The following ENPEP variants were observed in gnomAD, a reference collection of about 807,000 sequenced individuals.
ENPEP encodes the protein glutamyl aminopeptidase.
Under a neutral mutation model 114.5 loss-of-function variants are expected in ENPEP, and 103 were observed. The ratio of observed to expected loss-of-function variants is 0.90; its 90% confidence interval spans 0.77 to 1.06. The LOEUF (loss-of-function observed/expected upper bound fraction) is 1.06. Among genes scored for constraint, ENPEP ranks in the 50% least tolerant of loss-of-function variants. ENPEP has a pLI of 0.00. For synonymous variants in ENPEP, 420 were observed against 422.0 expected (o/e 1.00, Z 0.06); for missense variants, 1,196 against 1,161.3 (o/e 1.03, Z -0.43).
chr4:110,494,021 CA>C (rs1724828610), intron 3 of ENPEP, among the ~76,000 whole-genome samples: 1 of 152,100 alleles, frequency 6.6e-6, no homozygotes. Flanking sequence ...AAAGTCATAA[CA>C]AAATTAAACA....
chr4:110,560,996 G>A (rs1374505946), intron 19 of ENPEP, among the ~76,000 whole-genome samples: 1 of 152,136 alleles, frequency 6.6e-6, no homozygotes, highest in Non-Finnish European at 1.5e-5. Context: ...TCCTTAATAA[G>A]TGAACTGAAA....
chr4:110,505,881 G>C (rs1384719652), intron 3 of ENPEP, among the ~76,000 whole-genome samples: 1 of 152,134 alleles, frequency 6.6e-6, no homozygotes, highest in East Asian at 1.9e-4. Context: ...ATGTTGAAGA[G>C]GATTCTTGAA....
chr4:110,548,069 T>C (rs1727133933), intron 13 of ENPEP, 107 bp from the exon 14 acceptor site: 1 of 1,200,048 alleles, frequency 8.3e-7, no homozygotes, highest in Non-Finnish European at 1.1e-6. Flanking sequence ...CTCATTAACA[T>C]GGAATGCTTT....
intron 1 of ENPEP, among the ~76,000 whole-genome samples, chr4:110,487,216 T>C (rs969644253): frequency 6.6e-6 from 1 of 152,226 alleles, no homozygotes; most frequent in Non-Finnish European, 1.5e-5. Context: ...TAATTTCTAA[T>C]CTTGTAGCTA....
intron 1 of ENPEP, 101 bp downstream of exon 1, chr4:110,477,159 C>T (rs1724145336): frequency 7.0e-7 from 1 of 1,433,290 alleles, no homozygotes; most frequent in Non-Finnish European, 9.3e-7. Context: ...TTTTGTTGGT[C>T]TGATATTGAT....
chr4:110,558,270 T>TTATATATATATATATATATATATATATA (rs5861011), intron 18 of ENPEP, among the ~76,000 whole-genome samples: 1 of 141,706 alleles, frequency 7.1e-6, no homozygotes, highest in African/African-American at 2.6e-5. Context: ...TTTATAAAAA[T>TTATATATATATATATATATATATATATA]TATATATATA....
chr4:110,495,918 C>T (rs765382330), intron 3 of ENPEP, among the ~76,000 whole-genome samples: 2 of 152,090 alleles, frequency 1.3e-5, no homozygotes, highest in Non-Finnish European at 2.9e-5. Flanking sequence ...CCTTGGCTTT[C>T]CTGAACAGAG....
intron 17 of ENPEP, among the ~76,000 whole-genome samples, 200 bp from the exon 18 acceptor site, chr4:110,553,115 C>G (rs1369657993): frequency 6.6e-6 from 1 of 151,934 alleles, no homozygotes; most frequent in South Asian, 2.1e-4. Context: ...TCTTTAAAAT[C>G]ATAGGTTGGT....
intron 1 of ENPEP, among the ~76,000 whole-genome samples, chr4:110,485,734 T>C (rs1275811433): frequency 6.6e-6 from 1 of 152,216 alleles, no homozygotes; most frequent in Non-Finnish European, 1.5e-5. Context: ...TTAATATTTT[T>C]GAAGAATACA....
chr4:110,512,393 A>G (rs750387908), intron 6 of ENPEP: 1 of 152,202 alleles, frequency 6.6e-6, no homozygotes, highest in Non-Finnish European at 1.5e-5. Context: ...CACTGAGAAC[A>G]GGATCTTTCT....
intron 10 of ENPEP, among the ~76,000 whole-genome samples, chr4:110,526,032 TTGGGAGGCCTAGGTGGG>T (rs1416227415): frequency 2.6e-5 from 4 of 152,080 alleles, no homozygotes; most frequent in African/African-American, 9.7e-5. Context: ...GCCCAGCACT[TTGGGAGGCCTAGGTGGG>T]TGGATCACTT....
intron 3 of ENPEP, among the ~76,000 whole-genome samples, chr4:110,501,837 G>T (rs866897087): frequency 6.6e-6 from 1 of 152,176 alleles, no homozygotes; most frequent in Non-Finnish European, 1.5e-5. Context: ...TGGTAATTCT[G>T]CTTTAGTTCT....
chr4:110,502,491 G>A (rs567053707), intron 3 of ENPEP, among the ~76,000 whole-genome samples: 2 of 152,188 alleles, frequency 1.3e-5, no homozygotes, highest in African/African-American at 2.4e-5. Flanking sequence ...TTCTGCATAC[G>A]GCTAGTCAGT....
At chr4:110,555,581 C>T (rs1727439980) in intron 18 of ENPEP, among the ~76,000 whole-genome samples, 1 of 151,986 alleles carries the variant, frequency 6.6e-6, no homozygotes, top group South Asian at 2.1e-4. Flanking sequence ...GCTTTTGTTT[C>T]TTCCAATAAA....
At chr4:110,559,484 T>A (rs1727607022) in intron 18 of ENPEP, among the ~76,000 whole-genome samples, 163 bp from the exon 19 acceptor site, 1 of 152,186 alleles carries the variant, frequency 6.6e-6, no homozygotes, top group South Asian at 2.1e-4. Flanking sequence ...AGAATTTATC[T>A]TGAATAGAAT....
At position 110,507,832 on chromosome 4, in the gene ENPEP, A is replaced by C. The variant is rs142100679; in HGVS notation, c.1039+1075A>C. Among the ~76,000 whole-genome samples, 53 of 152,246 alleles carry C rather than the reference A, an allele frequency of 3.5e-4. No individual in the cohort carries two copies. In the East Asian group the frequency reaches 9.7e-3, roughly 28 times the overall value. ...GCTACAAGAAATACAAAAATTAGCCAGGTGTTGTGGCACACACCTGTAGTC... is the reference window on the plus strand; with the variant it reads ...GCTACAAGAAATACAAAAATTAGCCCGGTGTTGTGGCACACACCTGTAGTC... On this transcript the variant is annotated intron_variant, in intron 4 of 19. Transcript: ENST00000265162.
chr4:110,559,860 T>A (rs919523367), intron 19 of ENPEP, 135 bp downstream of exon 19: 1 of 680,184 alleles, frequency 1.5e-6, no homozygotes, highest in African/African-American at 1.8e-5. Context: ...CGTGCCATGG[T>A]GGTTTGCTGC....
rs562516069 is a variant in ENPEP at position 110,493,590 on chromosome 4, G to A, written c.918+2426G>A. ...CCCCTCCTGAAAAAACAGTGGGGCCGTTTCCTTTAAAAGTTGAACAGAACC... is the reference window on the plus strand; with the variant it reads ...CCCCTCCTGAAAAAACAGTGGGGCCATTTCCTTTAAAAGTTGAACAGAACC... On this transcript the variant is annotated intron_variant, in intron 3 of 19. Transcript: ENST00000265162. Among the ~76,000 whole-genome samples the A allele has an allele frequency of 2.0e-5, 3 of 152,188 alleles. No individual in the cohort carries two copies. The East Asian group carries it at 5.8e-4, about 29-fold the overall frequency.
Position 110,503,688 on chromosome 4 carries a change from A to T in ENPEP, c.919-2949A>T, listed in dbSNP as rs561088724. ...CATCTGTGTGGGCTGACTTTCCCTC[A>T]ACTGTGGTGGCTGATGTTCCCTCAA... On this transcript the variant is annotated intron_variant, in intron 3 of 19. Transcript: ENST00000265162. 2.6e-5 allele frequency among the ~76,000 whole-genome samples: 4 copies of T among 152,228 alleles called. No individual in the cohort carries two copies. In the East Asian group the frequency reaches 5.8e-4, roughly 22 times the overall value.
Sources: gnomAD v4.1 joint callset for allele counts (sites outside exome capture counted in the v4.1 genomes callset) on GRCh38, gnomAD v4.1.1 for gene constraint, MANE v1.5 for transcripts, NCBI Gene and HGNC (gene_info 2026-07-23, HGNC 2026-07-21) for gene names.